PPP3CA: variants seen among roughly 807,000 people sequenced by gnomAD.
PPP3CA encodes CAM-PRP catalytic subunit.
PPP3CA carries 14 observed loss-of-function variants against 66.5 expected under a neutral mutation model. The observed-to-expected ratio is 0.21, with a 90% CI of 0.14 to 0.33. The LOEUF (loss-of-function observed/expected upper bound fraction) is 0.33, where lower values mean the gene tolerates loss of function less well. PPP3CA is among the 10% of genes least tolerant of loss of function. PPP3CA has a pLI of 1.00. For synonymous variants in PPP3CA, 232 were observed against 226.2 expected, an observed-to-expected ratio of 1.03 and a Z score of -0.23; for missense variants, 317 against 639.5, an observed-to-expected ratio of 0.50 and a Z score of 5.44.
intron 2 of PPP3CA, among the ~76,000 whole-genome samples, chr4:101,119,157 T>C (rs1015075100): frequency 1.3e-5 from 2 of 151,970 alleles, no homozygotes; most frequent in African/African-American, 4.8e-5. Context: ...TGGCCATGAG[T>C]AAACTACACA....
chr4:101,214,869 C>G (rs1319927753), intron 1 of PPP3CA, among the ~76,000 whole-genome samples: 1 of 152,038 alleles, frequency 6.6e-6, no homozygotes, highest in Non-Finnish European at 1.5e-5. Flanking sequence ...AAGCACATGC[C>G]TATAATTAGC....
intron 6 of PPP3CA, among the ~76,000 whole-genome samples, chr4:101,087,749 T>C (rs1476473332): frequency 2.6e-5 from 4 of 152,180 alleles, no homozygotes; most frequent in African/African-American, 9.6e-5. Flanking sequence ...TTGGCTGTTA[T>C]GATTAACCTT....
intron 1 of PPP3CA, among the ~76,000 whole-genome samples, chr4:101,294,211 T>C (rs534894971): frequency 6.6e-6 from 1 of 152,220 alleles, no homozygotes; most frequent in Non-Finnish European, 1.5e-5. Flanking sequence ...TATTTGCAGT[T>C]ACAGAAAATG....
chr4:101,260,014 C>G (rs1244316533), intron 1 of PPP3CA, among the ~76,000 whole-genome samples: 1 of 152,140 alleles, frequency 6.6e-6, no homozygotes, highest in African/African-American at 2.4e-5. Context: ...GCAGAAACTG[C>G]TGTCTTCAGC....
intron 1 of PPP3CA, among the ~76,000 whole-genome samples, chr4:101,290,544 C>A (rs565731986): frequency 2.0e-5 from 3 of 152,198 alleles, no homozygotes; most frequent in Non-Finnish European, 4.4e-5. Context: ...TTCATGTAAA[C>A]AAATATTTAG....
At chr4:101,060,746 G>GA (rs1276505548) in intron 10 of PPP3CA, among the ~76,000 whole-genome samples, 3 of 151,860 alleles carry the variant, frequency 2.0e-5, no homozygotes, top group Admixed American at 6.6e-5. Flanking sequence ...CCTGGTAAAA[G>GA]AAAAAATAAT....
intron 2 of PPP3CA, among the ~76,000 whole-genome samples, chr4:101,144,628 C>T (rs1722913481): frequency 6.6e-6 from 1 of 152,198 alleles, no homozygotes; most frequent in Non-Finnish European, 1.5e-5. Context: ...TGATTTCAGT[C>T]TGTCTCCCCT....
At chr4:101,155,100 C>G (rs1038703974) in intron 2 of PPP3CA, among the ~76,000 whole-genome samples, 3 of 152,124 alleles carry the variant, frequency 2.0e-5, no homozygotes, top group African/African-American at 7.2e-5. Flanking sequence ...CGGGCGTGAG[C>G]CAACGCGCCC....
rs951343168 is a variant in PPP3CA, at chr4:101,095,872, G to A, written c.643-1957C>T. On this transcript the variant is annotated intron_variant, in intron 5 of 13. Transcript: ENST00000394854. ...TCAACATGTTGGTCAAGCCGGTCTC[G>A]AACTCCTGACCTCATGATCCACTTG... 3.9e-5 allele frequency among the ~76,000 whole-genome samples: 6 copies of A among 152,136 alleles called. No homozygotes were observed. In the East Asian group the frequency reaches 7.7e-4, roughly 20 times the overall value.
At chr4:101,213,317 T>C (rs1270143960) in intron 1 of PPP3CA, among the ~76,000 whole-genome samples, 1 of 152,194 alleles carries the variant, frequency 6.6e-6, no homozygotes, top group African/African-American at 2.4e-5. Context: ...TAATATCCTT[T>C]AACCTATAAT....
intron 1 of PPP3CA, among the ~76,000 whole-genome samples, chr4:101,313,463 A>G (rs1343558307): frequency 6.6e-6 from 1 of 152,232 alleles, no homozygotes; most frequent in Non-Finnish European, 1.5e-5. Flanking sequence ...ATTAACATTC[A>G]TATTTGTATA....
At chr4:101,068,630 T>C (rs1039440189) in intron 8 of PPP3CA, among the ~76,000 whole-genome samples, 8 of 152,166 alleles carry the variant, frequency 5.3e-5, no homozygotes, top group Non-Finnish European at 1.0e-4. Context: ...GTATATATTA[T>C]AGCATTCATG....
intron 1 of PPP3CA, among the ~76,000 whole-genome samples, chr4:101,209,850 T>A (rs900840743): frequency 2.0e-5 from 3 of 152,008 alleles, no homozygotes; most frequent in African/African-American, 7.2e-5. Flanking sequence ...AACAGGTATC[T>A]AAAGAAAGTG....
chr4:101,082,209 T>C (rs1475426125), intron 7 of PPP3CA, among the ~76,000 whole-genome samples: 1 of 152,208 alleles, frequency 6.6e-6, no homozygotes, highest in Non-Finnish European at 1.5e-5. Context: ...AACAGGTTAC[T>C]TCAAACATCA....
chr4:101,136,851 T>C (rs1425045625), intron 2 of PPP3CA, among the ~76,000 whole-genome samples: 1 of 152,136 alleles, frequency 6.6e-6, no homozygotes, highest in Non-Finnish European at 1.5e-5. Flanking sequence ...TTTTGAACAA[T>C]AACATTTAGT....
intron 2 of PPP3CA, among the ~76,000 whole-genome samples, chr4:101,142,061 A>AAAAAAAAAAAAAAT (rs1722826556): frequency 6.6e-6 from 1 of 152,066 alleles, no homozygotes; most frequent in Non-Finnish European, 1.5e-5. Context: ...AAAAAAAAAA[A>AAAAAAAAAAAAAAT]AAAAAGAAGA....
chr4:101,274,693 G>GA (rs1296170523), intron 1 of PPP3CA, among the ~76,000 whole-genome samples: 1 of 151,914 alleles, frequency 6.6e-6, no homozygotes, highest in Non-Finnish European at 1.5e-5. Context: ...TTTCTATAGG[G>GA]AAAAAATACA....
intron 8 of PPP3CA, among the ~76,000 whole-genome samples, chr4:101,064,757 T>C (rs1560584482): frequency 6.6e-6 from 1 of 152,044 alleles, no homozygotes; most frequent in Admixed American, 6.6e-5. Context: ...AATGTCTCTG[T>C]TAAAATGTGG....
intron 2 of PPP3CA, among the ~76,000 whole-genome samples, chr4:101,136,085 TTATC>T (rs1206174055): frequency 2.0e-5 from 3 of 152,200 alleles, no homozygotes; most frequent in Non-Finnish European, 4.4e-5. Context: ...TATGATTAGT[TTATC>T]TATTTTTAAA....
Sources: gnomAD v4.1 joint callset for allele counts (sites outside exome capture counted in the v4.1 genomes callset) on GRCh38, gnomAD v4.1.1 for gene constraint, MANE v1.5 for transcripts, NCBI Gene and HGNC (gene_info 2026-07-23, HGNC 2026-07-21) for gene names.